Variants in NPAS3 observed in about 807,000 individuals in gnomAD.
NPAS3 encodes neuronal PAS domain protein 3, also known as neuronal PAS domain-containing protein 3.
Under a neutral mutation model 73.1 loss-of-function variants are expected in NPAS3, and 14 were observed. That is an observed-to-expected ratio of 0.19 (90% CI 0.13 to 0.30). The LOEUF (loss-of-function observed/expected upper bound fraction) is 0.30, where lower values mean the gene tolerates loss of function less well. NPAS3 is among the 10% of genes least tolerant of loss of function. The probability of loss-of-function intolerance (pLI) is 1.00; values close to 1 mark genes in which losing one functional copy is unlikely to be tolerated. For synonymous variants in NPAS3, 620 were observed against 541.5 expected (o/e 1.14, Z -2.01); for missense variants, 1,096 against 1,250.0 (o/e 0.88, Z 1.86).
chr14:33,182,365 T>C (rs942143046), intron 2 of NPAS3, among the ~76,000 whole-genome samples: 2 of 152,216 alleles, frequency 1.3e-5, no homozygotes, highest in Non-Finnish European at 2.9e-5. Context: ...TTGCCTTTGT[T>C]TTCTATTGTA....
In NPAS3 at chr14:33,493,282, CG is replaced by C. The variant is rs1566948103; in HGVS notation, c.469-66834del. Among the ~76,000 whole-genome samples, 4 of 149,630 alleles carry C rather than the reference CG, an allele frequency of 2.7e-5. No homozygotes were observed. In the South Asian group the frequency reaches 8.4e-4, roughly 31 times the overall value. The stretch of plus-strand genomic sequence containing the variant: ...ACCCCTTTAAATACTTTCTGACAAT[CG>C]GGGGAAGATATTATGGTAAAGTTCT... On this transcript the variant is annotated intron_variant, in intron 4 of 11. Coordinates refer to ENST00000356141, the Ensembl canonical transcript of NPAS3.
intron 5 of NPAS3, among the ~76,000 whole-genome samples, chr14:33,637,778 C>G (rs1200664893): frequency 2.0e-5 from 3 of 152,000 alleles, no homozygotes; most frequent in Non-Finnish European, 4.4e-5. Context: ...ATCATTATTA[C>G]CATGTATTTT....
intron 5 of NPAS3, among the ~76,000 whole-genome samples, chr14:33,607,092 T>C (rs760881206): frequency 1.3e-5 from 2 of 152,170 alleles, no homozygotes; most frequent in Non-Finnish European, 2.9e-5. Flanking sequence ...TGCTCATACA[T>C]TGTTGAGAAA....
intron 5 of NPAS3, among the ~76,000 whole-genome samples, chr14:33,600,380 C>T (rs893445356): frequency 1.3e-5 from 2 of 152,132 alleles, no homozygotes; most frequent in African/African-American, 4.8e-5. Context: ...TTTTCTCCAC[C>T]TGTGCTGGAT....
At chr14:33,051,049 T>C (rs1035364995) in intron 1 of NPAS3, among the ~76,000 whole-genome samples, 13 of 148,528 alleles carry the variant, frequency 8.8e-5, no homozygotes, top group Admixed American at 2.7e-4. Context: ...CCGAGGCGGG[T>C]GGATCACGAG....
chr14:33,631,441 C>T (rs964963530), intron 5 of NPAS3, among the ~76,000 whole-genome samples: 2 of 152,196 alleles, frequency 1.3e-5, no homozygotes, highest in Non-Finnish European at 2.9e-5. Flanking sequence ...GCCTTCAAAA[C>T]CCCATAGGTC....
intron 6 of NPAS3, among the ~76,000 whole-genome samples, chr14:33,718,199 C>G (rs566796531): frequency 1.1e-4 from 17 of 152,082 alleles, no homozygotes; most frequent in Admixed American, 2.6e-4. Context: ...CCTTAATGTG[C>G]CTGGGTTCTT....
chr14:33,716,127 C>T (rs181834556), intron 6 of NPAS3, among the ~76,000 whole-genome samples: 6 of 152,292 alleles, frequency 3.9e-5, no homozygotes, highest in Admixed American at 3.3e-4. Flanking sequence ...TCTCATTGGT[C>T]TTTGTAACCT....
At chr14:33,441,239 T>G (rs1334760547) in intron 4 of NPAS3, among the ~76,000 whole-genome samples, 3 of 152,100 alleles carry the variant, frequency 2.0e-5, no homozygotes, top group Non-Finnish European at 4.4e-5. Flanking sequence ...TTCTATAAAC[T>G]TATTATGCAT....
intron 4 of NPAS3, among the ~76,000 whole-genome samples, chr14:33,425,540 C>CTTT (rs35858110): frequency 7.6e-4 from 107 of 140,478 alleles, no homozygotes; most frequent in African/African-American, 9.6e-4. Context: ...TCCACTCCAC[C>CTTT]TTTTTTTTTT....
chr14:33,649,584 T>C (rs1004732029), intron 5 of NPAS3, among the ~76,000 whole-genome samples: 4 of 152,224 alleles, frequency 2.6e-5, no homozygotes, highest in Non-Finnish European at 5.9e-5. Context: ...GGTTATTGTG[T>C]CGGATGCATA....
intron 2 of NPAS3, among the ~76,000 whole-genome samples, chr14:33,166,506 G>A (rs1184725226): frequency 6.6e-6 from 1 of 152,074 alleles, no homozygotes; most frequent in Non-Finnish European, 1.5e-5. Flanking sequence ...GGGAGGGCAG[G>A]CACTCTCCAA....
chr14:33,024,406 A>G (rs55921031), intron 1 of NPAS3, among the ~76,000 whole-genome samples: 17,601 of 151,928 alleles, frequency 0.12, 1,060 homozygotes, highest in African/African-American at 0.14. Flanking sequence ...TACTGACCTC[A>G]TGATCCGCCT....
At chr14:33,097,712 G>A (rs1356777601) in intron 2 of NPAS3, among the ~76,000 whole-genome samples, 1 of 152,196 alleles carries the variant, frequency 6.6e-6, no homozygotes, top group Non-Finnish European at 1.5e-5. Flanking sequence ...TCTGGTGGAT[G>A]TGTATTGCAA....
intron 4 of NPAS3, among the ~76,000 whole-genome samples, chr14:33,436,083 T>C (rs2048977532): frequency 6.6e-6 from 1 of 152,204 alleles, no homozygotes; most frequent in African/African-American, 2.4e-5. Context: ...ACTCATTTCT[T>C]TGCAGTTACA....
chr14:33,139,967 T>A (rs2043985184), intron 2 of NPAS3, among the ~76,000 whole-genome samples: 2 of 152,108 alleles, frequency 1.3e-5, no homozygotes, highest in South Asian at 4.1e-4. Context: ...GAGAAAGAGT[T>A]GCTGAATTTA....
chr14:33,162,326 T>C (rs1015105206), intron 2 of NPAS3, among the ~76,000 whole-genome samples: 14 of 152,298 alleles, frequency 9.2e-5, no homozygotes, highest in African/African-American at 3.4e-4. Flanking sequence ...CATTTTTTTC[T>C]CCCTATGGTA....
intron 4 of NPAS3, among the ~76,000 whole-genome samples, chr14:33,516,970 A>G (rs1014655542): frequency 2.0e-5 from 3 of 152,188 alleles, no homozygotes; most frequent in Admixed American, 2.0e-4. Context: ...GTCTCCCAGC[A>G]TGGGATTAGT....
chr14:33,447,691 A>G (rs1367649527), intron 4 of NPAS3, among the ~76,000 whole-genome samples: 1 of 152,178 alleles, frequency 6.6e-6, no homozygotes, highest in Non-Finnish European at 1.5e-5. Context: ...AGGCAGGAAG[A>G]TTATTTGAAT....
Sources: allele counts gnomAD v4.1 joint callset (sites outside exome capture counted in the v4.1 genomes callset), GRCh38; gene constraint gnomAD v4.1.1; transcripts MANE v1.5; gene names NCBI Gene and HGNC (gene_info 2026-07-23, HGNC 2026-07-21).